GPR22: variants seen among roughly 807,000 people sequenced by gnomAD.
GPR22 encodes the protein G protein-coupled receptor 22, also known as G-protein coupled receptor 22.
In GPR22, 13 loss-of-function variants were observed where a neutral mutation model predicts 31.0. The observed-to-expected ratio is 0.42, with a 90% confidence interval of 0.27 to 0.67. GPR22 has a LOEUF of 0.67. Ranked by LOEUF, GPR22 falls within the 30% of genes least tolerant of loss-of-function variation. GPR22 has a pLI of 0.25. For missense variants in GPR22, 368 were observed against 509.6 expected, an observed-to-expected ratio of 0.72 and a Z score of 2.67; for synonymous variants, 191 against 173.4, an observed-to-expected ratio of 1.10 and a Z score of -0.80.
At position 107,474,098 on chromosome 7, in the gene GPR22, C is replaced by T. The variant is rs1476821244; in HGVS notation, c.38C>T (p.Ser13Phe). 6.3e-7 allele frequency: 1 copy of T among 1,593,318 alleles called. No homozygotes were observed. Among genetic ancestry groups the T allele is most frequent in the Non-Finnish European group, 8.6e-7 (1 of 1,168,214 alleles). The change falls in exon 3 of 3, where the codon TCT becomes TTT. Residue 13 changes from serine to phenylalanine, a missense_variant. Transcript: ENST00000304402. This position sits in a 1 kb window ranked among gnomAD's most constrained non-coding sequence, Gnocchi z 5.7. ...CCCATTCTGGAAATCAACATGCAGT[C>T]TGAATCTAACATTACAGTGCGAGAT... ...FSPILEINMQ[S>F]ESNITVRDDI...
rs1277668257 is a variant in GPR22 at position 107,472,124 on chromosome 7, G to A, written c.-205G>A. The A allele has an allele frequency of 6.6e-6, 1 of 151,982 alleles. No homozygotes were observed. Among genetic ancestry groups the A allele is most frequent in the Non-Finnish European group, 1.5e-5 (1 of 67,932 alleles). 9.4% of individuals were successfully genotyped at this position (151,982 alleles called of 1,614,324 possible). On this transcript the variant is annotated 5_prime_UTR_variant, in exon 2 of 3. The change abolishes the stop of an existing upstream ORF in the 5' untranslated region. Transcript: ENST00000304402. ...AAGGGAAACATAATTCCTATCATCTGAGGAAATTCCTCTTGGCCGTGACTT... is the reference window on the plus strand; with the variant it reads ...AAGGGAAACATAATTCCTATCATCTAAGGAAATTCCTCTTGGCCGTGACTT...
chr7:107,476,183 T>TAAAAAAAA (rs1563056700), downstream of GPR22, among the ~76,000 whole-genome samples: 79 of 86,392 alleles, frequency 9.1e-4, 1 homozygote, highest in African/African-American at 2.6e-3. Flanking sequence ...TGCAATGATT[T>TAAAAAAAA]TAAAAAAAAA....
At chr7:107,477,009 TTC>T (rs1341545824), downstream of GPR22, among the ~76,000 whole-genome samples, 26 of 151,712 alleles carry the variant, frequency 1.7e-4, no homozygotes, top group Non-Finnish European at 3.4e-4. Context: ...CCCAATTTCC[TTC>T]TGTCTTATTT....
chr7:107,471,006 T>TG (rs1796601692), intron 1 of GPR22, among the ~76,000 whole-genome samples: 1 of 151,956 alleles, frequency 6.6e-6, no homozygotes, highest in Non-Finnish European at 1.5e-5. Flanking sequence ...AAAATGTTGT[T>TG]AAATTTATTA....
At chr7:107,473,292 C>G (rs535764656) in intron 2 of GPR22, among the ~76,000 whole-genome samples, 1 of 151,954 alleles carries the variant, frequency 6.6e-6, no homozygotes, top group East Asian at 1.9e-4. Context: ...CAAAATAAAT[C>G]ATTTCATAGG....
At chr7:107,476,183 TTA>T (rs1491207494), downstream of GPR22, among the ~76,000 whole-genome samples, 255 of 86,468 alleles carry the variant, frequency 2.9e-3, 2 homozygotes, top group African/African-American at 0.012. Flanking sequence ...TGCAATGATT[TTA>T]AAAAAAAAAA....
downstream of GPR22, among the ~76,000 whole-genome samples, chr7:107,476,810 C>A: frequency 6.6e-6 from 1 of 151,542 alleles, no homozygotes; most frequent in East Asian, 1.9e-4. Flanking sequence ...TATTAAATGT[C>A]TAAAAATTCA....
chr7:107,472,850 T>G (rs1796720151), intron 2 of GPR22: 1 of 151,960 alleles, frequency 6.6e-6, no homozygotes, highest in Non-Finnish European at 1.5e-5. Context: ...GCAGTTGAAA[T>G]GCTGTATTTG....
Position 107,474,344 on chromosome 7 carries a change from G to A in GPR22, c.284G>A (p.Cys95Tyr). Residue 95 changes from cysteine (C) to tyrosine (Y), a missense_variant, in exon 3 of 3, where the codon TGT becomes TAT. Coordinates refer to ENST00000304402, the MANE Select transcript of GPR22 (RefSeq NM_005295.3). The surrounding 1 kb of genome is among the most constrained non-coding windows in gnomAD (Gnocchi z 5.7). ...HVLDVIICVGCIPLTIVILLL... is the reference protein window; with the variant it reads ...HVLDVIICVGYIPLTIVILLL... ...CTTGATGTAATAATTTGTGTGGGAT[G>A]TATTCCTCTAACTATAGTTATCCTT... The A allele has an allele frequency of 6.2e-7, 1 of 1,612,316 alleles. No homozygotes were observed. Among genetic ancestry groups the A allele is most frequent in the Non-Finnish European group, 8.5e-7 (1 of 1,178,544 alleles).
In GPR22 at chr7:107,475,161, T is replaced by C; in HGVS notation, c.1101T>C (p.Tyr367=). Residue 367 remains tyrosine, a synonymous_variant, in exon 3 of 3, where the codon TAT becomes TAC. Transcript: ENST00000304402. ...CAACTATATTTCACCCTCTATTATA[T>C]GCATTCACTAGACAAAAATTTCAAA... The part of the protein sequence containing the change: ...YGTTIFHPLL[Y]AFTRQKFQKV... 2 of 1,610,136 alleles carry C rather than the reference T, an allele frequency of 1.2e-6. No homozygotes were observed. Among genetic ancestry groups the C allele is most frequent in the Non-Finnish European group, 1.7e-6 (2 of 1,177,588 alleles).
intron 2 of GPR22, chr7:107,472,706 T>C (rs1169193961): frequency 6.6e-6 from 1 of 151,974 alleles, no homozygotes. Context: ...ACCATTTGTG[T>C]TTCTGCAATA....
At chr7:107,476,297 C>T (rs925536008), downstream of GPR22, among the ~76,000 whole-genome samples, 5 of 123,236 alleles carry the variant, frequency 4.1e-5, no homozygotes, top group African/African-American at 1.4e-4. Flanking sequence ...ATCTGAATAC[C>T]AGGAATGAAA....
chr7:107,472,580 T>C (rs906888801), intron 2 of GPR22: 7 of 151,980 alleles, frequency 4.6e-5, no homozygotes, highest in African/African-American at 1.7e-4. Context: ...TTCAGAAAAT[T>C]TGGCACACTT....
chr7:107,474,069 T>C lies in GPR22; in HGVS notation c.9T>C (p.Phe3=). 6.5e-7 allele frequency: 1 copy of C among 1,549,564 alleles called. No individual in the cohort carries two copies. The change falls in exon 3 of 3, where the codon TTT becomes TTC. Residue 3 remains phenylalanine (F), a synonymous_variant. Coordinates refer to ENST00000304402, the MANE Select transcript of GPR22 (RefSeq NM_005295.3). This position sits in a 1 kb window ranked among gnomAD's most constrained non-coding sequence, Gnocchi z 5.7. ...CCAACTGCTCCAAAAGAATGTGTTT[T>C]TCTCCCATTCTGGAAATCAACATGC... MC[F]SPILEINMQS...
At position 107,474,072 on chromosome 7, in the gene GPR22, TC is replaced by T; in HGVS notation, c.15del (p.Ile6PhefsTer33). 6.4e-7 allele frequency: 1 copy of T among 1,555,612 alleles called. No individual in the cohort carries two copies. Among genetic ancestry groups the T allele is most frequent in the South Asian group, 1.2e-5 (1 of 83,230 alleles). On this transcript the variant is annotated frameshift_variant, in exon 3 of 3. Transcript: ENST00000304402. LOFTEE classifies it high-confidence loss of function. This position sits in a 1 kb window ranked among gnomAD's most constrained non-coding sequence, Gnocchi z 5.7. ...ACTGCTCCAAAAGAATGTGTTTTTC[TC>T]CCATTCTGGAAATCAACATGCAGTC... MCFS[P>X]ILEINMQSES... is the part of the protein sequence containing the mutation.
chr7:107,470,813 G>A (rs1204137541), intron 1 of GPR22, among the ~76,000 whole-genome samples: 2 of 151,898 alleles, frequency 1.3e-5, no homozygotes, highest in East Asian at 1.9e-4. Context: ...TTTATGTTAA[G>A]TTTATTATTT....
chr7:107,477,556 G>A (rs1797066180), downstream of GPR22, among the ~76,000 whole-genome samples: 1 of 151,754 alleles, frequency 6.6e-6, no homozygotes, highest in African/African-American at 2.4e-5. Context: ...ACTTGACACT[G>A]AAGCAGACAT....
In GPR22 at chr7:107,474,485, A is replaced by C; in HGVS notation, c.425A>C (p.Asp142Ala). The C allele has an allele frequency of 6.2e-7, 1 of 1,613,096 alleles. No homozygotes were observed. The highest frequency in any genetic ancestry group is 8.5e-7 in the Non-Finnish European group (1 of 1,179,338). Residue 142 changes from aspartate to alanine, a missense_variant, in exon 3 of 3, where the codon GAC becomes GCC. Transcript: ENST00000304402. The surrounding 1 kb of genome is among the most constrained non-coding windows in gnomAD (Gnocchi z 5.7). ...NVFAITLDRYDISVKPANRIL... is the reference protein window; with the variant it reads ...NVFAITLDRYAISVKPANRIL... Reference sequence around the variant, plus strand: ...TTTGCTATCACTTTGGACAGATATGACATCTCTGTAAAACCTGCAAACCGA... The same window carrying C: ...TTTGCTATCACTTTGGACAGATATGCCATCTCTGTAAAACCTGCAAACCGA...
In GPR22 at chr7:107,474,598, A is replaced by G; in HGVS notation, c.538A>G (p.Asn180Asp). The change falls in exon 3 of 3, where the codon AAT becomes GAT. Residue 180 changes from asparagine (N) to aspartate (D), a missense_variant. By Grantham distance (23) the Asn-to-Asp change is conservative. Transcript: ENST00000304402. The surrounding 1 kb of genome is among the most constrained non-coding windows in gnomAD (Gnocchi z 5.7). Reference protein sequence around the residue: ...FSFLIPFIEVNFFSLQSGNTW... With the variant: ...FSFLIPFIEVDFFSLQSGNTW... ...TTTCCTGATTCCTTTTATTGAGGTAAATTTTTTCAGTCTTCAAAGTGGAAA... is the reference window on the plus strand; with the variant it reads ...TTTCCTGATTCCTTTTATTGAGGTAGATTTTTTCAGTCTTCAAAGTGGAAA... The G allele has an allele frequency of 6.2e-7, 1 of 1,610,152 alleles. No individual in the cohort carries two copies. The highest frequency in any genetic ancestry group is 8.5e-7 in the Non-Finnish European group (1 of 1,178,420).
Sources: gnomAD v4.1 joint callset for allele counts (sites outside exome capture counted in the v4.1 genomes callset) on GRCh38, gnomAD v4.1.1 for gene constraint, Gnocchi (gnomAD v3.1) non-coding constraint, MANE v1.5 for transcripts, NCBI Gene and HGNC (gene_info 2026-07-23, HGNC 2026-07-21) for gene names.